The following CSMD2 variants were observed in gnomAD, a reference collection of about 807,000 sequenced individuals.
The protein encoded by CSMD2 is CUB and sushi domain-containing protein 2.
A neutral mutation model predicts 398.5 loss-of-function variants in CSMD2; 130 were observed. That is an observed-to-expected ratio of 0.33 (90% confidence interval 0.28 to 0.38). The LOEUF is 0.38. CSMD2 is among the 10% of genes least tolerant of loss of function. The probability of loss-of-function intolerance (pLI) is 1.00; values close to 1 mark genes in which losing one functional copy is unlikely to be tolerated. For synonymous variants in CSMD2, 1,828 were observed against 1,908.5 expected (o/e 0.96, Z 1.10); for missense variants, 3,829 against 4,764.9 (o/e 0.80, Z 5.78).
intron 5 of CSMD2, among the ~76,000 whole-genome samples, chr1:33,873,014 C>T (rs1640583942): frequency 6.6e-6 from 1 of 152,214 alleles, no homozygotes; most frequent in Non-Finnish European, 1.5e-5. Flanking sequence ...TATAGCCATT[C>T]CTCTATACCT....
chr1:33,670,725 C>T (rs539730939), intron 25 of CSMD2, among the ~76,000 whole-genome samples: 1 of 152,278 alleles, frequency 6.6e-6, no homozygotes, highest in East Asian at 1.9e-4. Context: ...GATAGTCATA[C>T]TTTAAATCTA....
intron 9 of CSMD2, chr1:33,814,245 A>G (rs1190812621): frequency 6.6e-6 from 1 of 152,162 alleles, no homozygotes. Flanking sequence ...TTTGGAATGA[A>G]TCTCTCTACC....
At chr1:34,147,194 C>G (rs2148542457) in intron 1 of CSMD2, among the ~76,000 whole-genome samples, 1 of 152,098 alleles carries the variant, frequency 6.6e-6, no homozygotes, top group Non-Finnish European at 1.5e-5. Flanking sequence ...GGAGGCAGAG[C>G]TTGCAGTGAG....
At chr1:33,950,119 C>T (rs1005847091) in intron 3 of CSMD2, among the ~76,000 whole-genome samples, 2 of 151,078 alleles carry the variant, frequency 1.3e-5, no homozygotes, top group South Asian at 4.2e-4. Flanking sequence ...CCAGGCCCTA[C>T]CCTATCTCAG....
At chr1:34,151,820 C>T (rs548340444) in intron 1 of CSMD2, among the ~76,000 whole-genome samples, 1 of 148,156 alleles carries the variant, frequency 6.7e-6, no homozygotes, top group Non-Finnish European at 1.5e-5. Flanking sequence ...TCCCTCCCCC[C>T]CCTTCTCTCT....
rs113922243 is a variant in CSMD2, at chr1:34,112,444, C to G, written c.188-23251G>C. 6.8e-3 allele frequency among the ~76,000 whole-genome samples: 1,038 copies of G among 152,300 alleles called. 14 individuals are homozygous for G. Among genetic ancestry groups the G allele is most frequent in the African/African-American group, 0.024 (989 of 41,564 alleles). On this transcript the variant is annotated intron_variant, in intron 1 of 70. Transcript: ENST00000373381. ...CAGACAGCTCTATCTATAGGCACTC[C>G]AGCCATGAGGTAACTCAAAGGGTTT...
chr1:33,560,948 C>T (rs557395122), intron 53 of CSMD2, among the ~76,000 whole-genome samples: 10 of 152,312 alleles, frequency 6.6e-5, no homozygotes, highest in East Asian at 3.9e-4. Context: ...AGTTCTATTT[C>T]GTCCCAGCCT....
chr1:33,577,419 G>T lies in CSMD2; in HGVS notation c.7453C>A (p.Pro2485Thr), dbSNP rs752328443. Residue 2485 changes from proline to threonine, a missense_variant, in exon 49 of 71, where the codon CCC becomes ACC. Pro to Thr is a conservative substitution (Grantham distance 38, BLOSUM62 -1). Coordinates refer to ENST00000373381, the MANE Select transcript of CSMD2 (RefSeq NM_001281956.2). ...CAGCCAAAGTGGATGGAGCCCCCGG[G>T]CTGGGTGCTGGTCTGGCCTAGGATG... ...GFILGQTSTQPGGSIHFGCNA... is the reference protein window; with the variant it reads ...GFILGQTSTQTGGSIHFGCNA... 1.7e-5 allele frequency: 28 copies of T among 1,614,016 alleles called. No individual in the cohort carries two copies. The East Asian group carries it at 6.2e-4, about 36-fold the overall frequency.
intron 62 of CSMD2, among the ~76,000 whole-genome samples, chr1:33,535,312 T>G (rs2148572369): frequency 6.6e-6 from 1 of 152,370 alleles, no homozygotes; most frequent in African/African-American, 2.4e-5. Context: ...ATGGCTGTCT[T>G]GAAATTTGTG....
intron 12 of CSMD2, among the ~76,000 whole-genome samples, chr1:33,779,705 G>C (rs1426764249): frequency 6.6e-6 from 1 of 152,216 alleles, no homozygotes; most frequent in Non-Finnish European, 1.5e-5. Flanking sequence ...AGACTTAGGA[G>C]CTCTTTCTCT....
rs1024388671 is a variant in CSMD2, at chr1:33,890,229, TTTC to T, written c.920+27862_920+27864del. ...TAAAAGAATATACATATTCTTTTTCTTTCTTTTTTTTTTTTTTTTGAGATGGAG... is the reference window on the plus strand; with the variant it reads ...TAAAAGAATATACATATTCTTTTTCTTTTTTTTTTTTTTTTTGAGATGGAG... On this transcript the variant is annotated intron_variant, in intron 5 of 70. Transcript: ENST00000373381. Among the ~76,000 whole-genome samples, 14 of 83,418 alleles carry T rather than the reference TTTC, an allele frequency of 1.7e-4. No homozygotes were observed. The East Asian group carries it at 3.7e-3, about 22-fold the overall frequency. 54.7% of individuals were successfully genotyped at this position (83,418 alleles called of 152,430 possible).
rs370941809 is a variant in CSMD2, at chr1:33,557,869, C to T, written c.8608G>A (p.Ala2870Thr). 118 of 1,536,020 alleles carry T rather than the reference C, an allele frequency of 7.7e-5. No individual in the cohort carries two copies. In the African/African-American group the frequency reaches 1.1e-3, roughly 14 times the overall value. The stretch of plus-strand genomic sequence containing the variant: ...AAGCTGAACCTGTGCGGGCCGCTGG[C>T]GTGGACCTGACGAACACTATTTTCT... ...HQENSVRQVHASGPHRFSFGT... is the reference protein window; with the variant it reads ...HQENSVRQVHTSGPHRFSFGT... The change falls in exon 55 of 71, where the codon GCC becomes ACC. Residue 2870 changes from alanine to threonine, a missense_variant. Ala to Thr is a moderately conservative substitution (Grantham distance 58). This residue lies in a region of CSMD2 where 917 missense variants were observed against 1,199.5 expected (regional missense o/e 0.76). Coordinates refer to ENST00000373381, the MANE Select transcript of CSMD2 (RefSeq NM_001281956.2).
chr1:33,820,635 A>T (rs1055699774), intron 7 of CSMD2, 79 bp from the exon 8 acceptor site: 36 of 971,212 alleles, frequency 3.7e-5, no homozygotes, highest in Non-Finnish European at 5.7e-5. Flanking sequence ...CAGCTGGGGC[A>T]ATGTCTCAGG....
rs1214533263 is a variant in CSMD2, at chr1:33,624,484, C to T, written c.5625+35G>A. 9 of 1,608,552 alleles carry T rather than the reference C, an allele frequency of 5.6e-6. No individual in the cohort carries two copies. The South Asian group carries it at 8.8e-5, about 16-fold the overall frequency. On this transcript the variant is annotated intron_variant, in intron 35 of 70. Transcript: ENST00000373381. The surrounding 1 kb of genome is among the most constrained non-coding windows in gnomAD (Gnocchi z 4.7). Reference sequence around the variant, plus strand: ...TGAGCTGTTACCTGGGAGCAGACGGCCACCTGCCCGACCGAGGCGCCCCCT... The same window carrying T: ...TGAGCTGTTACCTGGGAGCAGACGGTCACCTGCCCGACCGAGGCGCCCCCT...
At chr1:33,603,316 G>C (rs191441505) in intron 42 of CSMD2, among the ~76,000 whole-genome samples, 2 of 152,170 alleles carry the variant, frequency 1.3e-5, no homozygotes, top group Non-Finnish European at 2.9e-5. Flanking sequence ...AGGATGAAAA[G>C]ACTTTGACAT....
At chr1:33,701,786 TTTAGC>T (rs1186679374) in intron 22 of CSMD2, among the ~76,000 whole-genome samples, 1 of 151,876 alleles carries the variant, frequency 6.6e-6, no homozygotes, top group Admixed American at 6.6e-5. Flanking sequence ...GTTCAAAGAG[TTTAGC>T]TTAAATTGTT....
intron 2 of CSMD2, among the ~76,000 whole-genome samples, chr1:34,053,958 A>T (rs551558062): frequency 6.6e-6 from 1 of 152,282 alleles, no homozygotes; most frequent in Non-Finnish European, 1.5e-5. Flanking sequence ...TGCCCAGCCC[A>T]CCTGAATTTG....
chr1:33,881,438 A>T (rs1641234806), intron 5 of CSMD2, among the ~76,000 whole-genome samples: 1 of 152,160 alleles, frequency 6.6e-6, no homozygotes, highest in Non-Finnish European at 1.5e-5. Flanking sequence ...AAATGTGGGG[A>T]AGGTCGTTTT....
At position 33,636,190 on chromosome 1, in the gene CSMD2, A is replaced by G. The variant is rs1394386873; in HGVS notation, c.4969+170T>C. 1.3e-5 allele frequency among the ~76,000 whole-genome samples: 2 copies of G among 152,114 alleles called. No individual in the cohort carries two copies. The highest frequency in any genetic ancestry group is 2.9e-5 in the Non-Finnish European group (2 of 67,996). On this transcript the variant is annotated intron_variant, in intron 30 of 70. Transcript: ENST00000373381. This position sits in a 1 kb window ranked among gnomAD's most constrained non-coding sequence, Gnocchi z 4.8. ...ATACCTTGAAAGGAACTGCACACCT[A>G]GTGAATTATAAGCCACTTCTATACA...
Sources: gnomAD v4.1 joint callset for allele counts (sites outside exome capture counted in the v4.1 genomes callset) on GRCh38, gnomAD v4.1.1 for gene constraint, gnomAD v4.1.1 regional missense constraint, Gnocchi (gnomAD v3.1) non-coding constraint, MANE v1.5 for transcripts, NCBI Gene and HGNC (gene_info 2026-07-23, HGNC 2026-07-21) for gene names.